Variants in MIR2052HG observed in about 807,000 individuals in gnomAD.
MIR2052HG encodes MIR2052 host gene.
At position 74,640,156 on chromosome 8, in the gene MIR2052HG, G is replaced by A. The variant is rs187219541; in HGVS notation, n.216+27216G>A. Among the ~76,000 whole-genome samples the A allele has an allele frequency of 1.3e-3, 193 of 152,140 alleles. No homozygotes were observed. The Middle Eastern group carries it at 0.024, about 19-fold the overall frequency. The stretch of plus-strand genomic sequence containing the variant: ...CTCAACATGGAGCTTCTCTCAATGC[G>A]GAAATAAGGGTAGACACTGAGGCTG... On this transcript the variant is annotated intron_variant and non_coding_transcript_variant, in intron 2 of 6. Transcript: ENST00000523442.
intron 4 of MIR2052HG, among the ~76,000 whole-genome samples, chr8:74,717,687 G>A (rs1284825179): frequency 6.6e-6 from 1 of 151,802 alleles, no homozygotes; most frequent in Admixed American, 6.6e-5. Flanking sequence ...AAGGCATCGT[G>A]GTGTCTGCTA....
intron 2 of MIR2052HG, among the ~76,000 whole-genome samples, chr8:74,679,251 C>A (rs1406996100): frequency 2.0e-5 from 3 of 152,060 alleles, no homozygotes; most frequent in Non-Finnish European, 4.4e-5. Flanking sequence ...CTCTATCCTA[C>A]CTTTCCCCTT....
chr8:74,645,115 A>G (rs565667091), intron 2 of MIR2052HG, among the ~76,000 whole-genome samples: 1 of 152,098 alleles, frequency 6.6e-6, no homozygotes, highest in Non-Finnish European at 1.5e-5. Flanking sequence ...TTAGCTAAGT[A>G]AGAAGAAATG....
At chr8:74,670,642 A>G (rs931910384) in intron 2 of MIR2052HG, among the ~76,000 whole-genome samples, 17 of 152,150 alleles carry the variant, frequency 1.1e-4, no homozygotes, top group African/African-American at 3.9e-4. Context: ...TACTTAAACA[A>G]AACATGGAAG....
At chr8:74,750,865 T>A (rs1465168432) in intron 4 of MIR2052HG, among the ~76,000 whole-genome samples, 6 of 152,216 alleles carry the variant, frequency 3.9e-5, no homozygotes, top group Admixed American at 3.9e-4. Flanking sequence ...ATCAAAGATT[T>A]CATGAAAGAG....
chr8:74,673,170 T>A (rs1408060312), intron 2 of MIR2052HG, among the ~76,000 whole-genome samples: 1 of 152,110 alleles, frequency 6.6e-6, no homozygotes, highest in Non-Finnish European at 1.5e-5. Context: ...TAGATTCTTT[T>A]AAAACCTGAA....
intron 4 of MIR2052HG, among the ~76,000 whole-genome samples, chr8:74,720,953 A>T (rs1809571941): frequency 6.6e-6 from 1 of 152,160 alleles, no homozygotes; most frequent in African/African-American, 2.4e-5. Context: ...TGCTCCCATG[A>T]TCCAGTCATC....
intron 4 of MIR2052HG, among the ~76,000 whole-genome samples, chr8:74,737,724 A>G (rs1446560614): frequency 6.6e-6 from 1 of 152,192 alleles, no homozygotes; most frequent in African/African-American, 2.4e-5. Context: ...TTGTGCTCAC[A>G]TTCTTAAGTC....
intron 2 of MIR2052HG, among the ~76,000 whole-genome samples, chr8:74,701,987 G>T (rs1809362911): frequency 6.6e-6 from 1 of 152,072 alleles, no homozygotes; most frequent in Non-Finnish European, 1.5e-5. Flanking sequence ...GCATTGCATT[G>T]ATATAATACT....
At chr8:74,725,343 C>T (rs530891854) in intron 4 of MIR2052HG, among the ~76,000 whole-genome samples, 3 of 152,268 alleles carry the variant, frequency 2.0e-5, no homozygotes, top group African/African-American at 7.2e-5. Flanking sequence ...CAGGTGGGCT[C>T]GTTCCTGCTC....
intron 4 of MIR2052HG, among the ~76,000 whole-genome samples, chr8:74,738,125 G>C (rs1428538817): frequency 1.7e-4 from 22 of 132,806 alleles, no homozygotes; most frequent in African/African-American, 6.4e-4. Context: ...ATGTATGTAT[G>C]TATGTATGTA....
At chr8:74,605,121 A>T (rs1808092673) in intron 1 of MIR2052HG, among the ~76,000 whole-genome samples, 1 of 152,144 alleles carries the variant, frequency 6.6e-6, no homozygotes, top group Non-Finnish European at 1.5e-5. Context: ...TCTCTAGAAG[A>T]CAGCTCTTCT....
chr8:74,745,284 A>G (rs893791089), intron 4 of MIR2052HG, among the ~76,000 whole-genome samples: 4 of 152,170 alleles, frequency 2.6e-5, no homozygotes, highest in Non-Finnish European at 4.4e-5. Context: ...AATGCAGAAA[A>G]GATCTGATTA....
At chr8:74,614,951 T>C (rs1808257034) in intron 2 of MIR2052HG, 3 of 152,174 alleles carry the variant, frequency 2.0e-5, no homozygotes, top group Admixed American at 2.0e-4. Context: ...TCAGAATTCC[T>C]CTATAGCTCA....
intron 1 of MIR2052HG, among the ~76,000 whole-genome samples, chr8:74,602,880 C>CTTTCTTTCTTTCTTTCTTTTTT (rs1808042817): frequency 1.5e-4 from 2 of 13,542 alleles, no homozygotes; most frequent in African/African-American, 1.0e-3. Context: ...TTTCTTTTTT[C>CTTTCTTTCTTTCTTTCTTTTTT]TATTCACAAA....
At chr8:74,732,239 C>T (rs1809700151) in intron 4 of MIR2052HG, among the ~76,000 whole-genome samples, 2 of 152,210 alleles carry the variant, frequency 1.3e-5, no homozygotes, top group Admixed American at 1.3e-4. Context: ...TATAAGTAAT[C>T]TAGAGATGAT....
intron 4 of MIR2052HG, among the ~76,000 whole-genome samples, chr8:74,714,504 C>G (rs1563538017): frequency 6.6e-6 from 1 of 152,066 alleles, no homozygotes; most frequent in Non-Finnish European, 1.5e-5. Context: ...TTTTAGAAGA[C>G]TGAGAGAACA....
At chr8:74,600,337 C>A (rs1475690194) in intron 1 of MIR2052HG, among the ~76,000 whole-genome samples, 1 of 151,152 alleles carries the variant, frequency 6.6e-6, no homozygotes, top group Non-Finnish European at 1.5e-5. Flanking sequence ...GTAATCCCAG[C>A]ACTTTGAGAG....
intron 1 of MIR2052HG, chr8:74,599,935 C>G (rs1439745202): frequency 1.8e-5 from 3 of 162,246 alleles, no homozygotes; most frequent in South Asian, 3.7e-4. Flanking sequence ...CGTGGTGCGC[C>G]GTTTTTTAAG....
Sources: gnomAD v4.1 joint callset for allele counts (sites outside exome capture counted in the v4.1 genomes callset) on GRCh38, gnomAD v4.1.1 for gene constraint, MANE v1.5 for transcripts, NCBI Gene and HGNC (gene_info 2026-07-23, HGNC 2026-07-21) for gene names.